The following PLAC8L1 variants were observed in gnomAD, a reference collection of about 807,000 sequenced individuals.
The protein encoded by PLAC8L1 is PLAC8-like protein 1.
A neutral mutation model predicts 16.3 loss-of-function variants in PLAC8L1; 13 were observed. The observed-to-expected ratio is 0.80, with a 90% CI of 0.52 to 1.27. PLAC8L1 has a LOEUF of 1.27. Ranked by LOEUF, PLAC8L1 falls within the 50% of genes most tolerant of loss-of-function variation. The pLI is 0.00. For missense variants in PLAC8L1, 184 were observed against 220.2 expected, an observed-to-expected ratio of 0.84 and a Z score of 1.04; for synonymous variants, 78 against 79.3, an observed-to-expected ratio of 0.98 and a Z score of 0.09.
intron 3 of PLAC8L1, 140 bp downstream of exon 3, chr5:146,085,321 C>A (rs1313556393): frequency 2.3e-6 from 2 of 857,264 alleles, no homozygotes; most frequent in African/African-American, 3.4e-5. Context: ...AAATGTATTT[C>A]CTTTCTCAAA....
At chr5:146,085,349 G>T in intron 3 of PLAC8L1, 112 bp downstream of exon 3, 2 of 1,192,170 alleles carry the variant, frequency 1.7e-6, no homozygotes, top group Non-Finnish European at 1.2e-6. Flanking sequence ...ACTAAGCATG[G>T]TATGTTTCAA....
chr5:146,099,758 T>C (rs571632117), intron 1 of PLAC8L1, among the ~76,000 whole-genome samples: 1 of 149,756 alleles, frequency 6.7e-6, no homozygotes, highest in African/African-American at 2.4e-5. Flanking sequence ...CATTCCTAAC[T>C]ACCCTTAAGA....
chr5:146,102,179 T>C (rs12187649), intron 1 of PLAC8L1, among the ~76,000 whole-genome samples: 33,792 of 151,642 alleles, frequency 0.22, 4,809 homozygotes, highest in Admixed American at 0.34. Flanking sequence ...CCTCAGCCTC[T>C]CAAGTAGCTG....
At chr5:146,098,016 A>G in intron 2 of PLAC8L1, 140 bp downstream of exon 2, 1 of 1,012,784 alleles carries the variant, frequency 9.9e-7, no homozygotes, top group Non-Finnish European at 1.4e-6. Flanking sequence ...CAAGGAGTAC[A>G]TTTGAGTCAC....
At chr5:146,099,962 T>C (rs1284511038) in intron 1 of PLAC8L1, among the ~76,000 whole-genome samples, 2 of 152,084 alleles carry the variant, frequency 1.3e-5, no homozygotes, top group Admixed American at 1.3e-4. Context: ...ATTAGCTTGT[T>C]AAAAAAAGAA....
Position 146,098,300 on chromosome 5 carries a change from G to A in PLAC8L1, c.120-8C>T. On this transcript the variant is annotated splice_polypyrimidine_tract_variant and splice_region_variant and intron_variant, in intron 1 of 3. Coordinates refer to ENST00000311450, the MANE Select transcript of PLAC8L1 (RefSeq NM_001029869.3). ...CTGGCTGGTACATGGCCTCTGGAGA[G>A]TCAAGGATGATGATTAACTTGGAAA... The A allele has an allele frequency of 6.2e-7, 1 of 1,611,310 alleles. No individual in the cohort carries two copies. The highest frequency in any genetic ancestry group is 8.5e-7 in the Non-Finnish European group (1 of 1,178,536).
chr5:146,088,102 G>A (rs1254198444), intron 2 of PLAC8L1, among the ~76,000 whole-genome samples: 3 of 152,066 alleles, frequency 2.0e-5, no homozygotes, highest in Admixed American at 6.5e-5. Flanking sequence ...TGAGATTTGT[G>A]GGGACACAGA....
intron 2 of PLAC8L1, among the ~76,000 whole-genome samples, chr5:146,086,061 G>A (rs1423445923): frequency 8.9e-6 from 1 of 112,822 alleles, no homozygotes; most frequent in African/African-American, 4.1e-5. Flanking sequence ...ACGGAGTCTC[G>A]CTCTGTCGCC....
At chr5:146,102,913 G>A (rs1016051298) in intron 1 of PLAC8L1, among the ~76,000 whole-genome samples, 7 of 152,230 alleles carry the variant, frequency 4.6e-5, no homozygotes, top group Non-Finnish European at 8.8e-5. Context: ...GCATGAAGTC[G>A]ATGGCCACTG....
chr5:146,099,640 CAG>C (rs1763776392), intron 1 of PLAC8L1, among the ~76,000 whole-genome samples: 1 of 120,436 alleles, frequency 8.3e-6, no homozygotes, highest in Admixed American at 1.1e-4. Context: ...GCCTGGGTGA[CAG>C]AGCAAGACTC....
intron 2 of PLAC8L1, among the ~76,000 whole-genome samples, chr5:146,091,576 C>T (rs1287036986): frequency 2.6e-5 from 4 of 151,920 alleles, no homozygotes; most frequent in Non-Finnish European, 5.9e-5. Flanking sequence ...GCAGGAGGAT[C>T]ACTTGAGGCC....
chr5:146,094,803 A>T (rs1025932164), intron 2 of PLAC8L1, among the ~76,000 whole-genome samples: 1 of 152,230 alleles, frequency 6.6e-6, no homozygotes, highest in Non-Finnish European at 1.5e-5. Context: ...TCAAAAAGAA[A>T]TGGAAATCAC....
intron 1 of PLAC8L1, among the ~76,000 whole-genome samples, chr5:146,098,567 G>C (rs147521830): frequency 6.7e-4 from 102 of 152,266 alleles, no homozygotes; most frequent in African/African-American, 2.2e-3. Flanking sequence ...GTTTCAAATA[G>C]TTAAATTCAC....
At chr5:146,095,706 T>A (rs1763707170) in intron 2 of PLAC8L1, among the ~76,000 whole-genome samples, 1 of 152,154 alleles carries the variant, frequency 6.6e-6, no homozygotes, top group South Asian at 2.1e-4. Flanking sequence ...TTATGCACCA[T>A]ATTGGTAGGA....
Position 146,104,157 on chromosome 5 carries a change from G to A in PLAC8L1, c.119+36C>T, listed in dbSNP as rs753901315. 9 of 1,607,094 alleles carry A rather than the reference G, an allele frequency of 5.6e-6. No individual in the cohort carries two copies. In the South Asian group the frequency reaches 7.8e-5, roughly 14 times the overall value. Reference sequence around the variant, plus strand: ...GTTGATTCGATAGTCCAACTAAAGAGCAAAAGCTAGGGGAAAAACTCACCC... The same window carrying A: ...GTTGATTCGATAGTCCAACTAAAGAACAAAAGCTAGGGGAAAAACTCACCC... On this transcript the variant is annotated intron_variant, in intron 1 of 3. Coordinates refer to ENST00000311450, the MANE Select transcript of PLAC8L1 (RefSeq NM_001029869.3).
At chr5:146,097,255 G>A (rs1344102592) in intron 2 of PLAC8L1, among the ~76,000 whole-genome samples, 2 of 152,178 alleles carry the variant, frequency 1.3e-5, no homozygotes, top group African/African-American at 4.8e-5. Flanking sequence ...TAAGCCCAGG[G>A]GGGAATCATG....
intron 2 of PLAC8L1, among the ~76,000 whole-genome samples, chr5:146,093,543 G>T (rs1247235255): frequency 6.6e-6 from 1 of 152,146 alleles, no homozygotes; most frequent in Non-Finnish European, 1.5e-5. Flanking sequence ...TAACTCTGAG[G>T]CTCTGAGTTT....
intron 2 of PLAC8L1, among the ~76,000 whole-genome samples, chr5:146,093,028 C>T (rs1223861963): frequency 6.6e-6 from 1 of 152,058 alleles, no homozygotes; most frequent in African/African-American, 2.4e-5. Flanking sequence ...TACACACACA[C>T]ACACATATAA....
intron 3 of PLAC8L1, 64 bp downstream of exon 3, chr5:146,085,397 G>A: frequency 1.3e-6 from 2 of 1,514,448 alleles, no homozygotes; most frequent in Non-Finnish European, 1.8e-6. Context: ...GAAAATCACA[G>A]GTTTGGAAGG....
Sources: allele counts gnomAD v4.1 joint callset (sites outside exome capture counted in the v4.1 genomes callset), GRCh38; gene constraint gnomAD v4.1.1; transcripts MANE v1.5; gene names NCBI Gene and HGNC (gene_info 2026-07-23, HGNC 2026-07-21).